Variants in SCN10A observed in about 807,000 individuals in gnomAD.
The protein encoded by SCN10A is sodium channel protein type 10 subunit alpha.
Under a neutral mutation model 170.7 loss-of-function variants are expected in SCN10A, and 162 were observed. The ratio of observed to expected loss-of-function variants is 0.95; its 90% confidence interval spans 0.84 to 1.08. The LOEUF (loss-of-function observed/expected upper bound fraction) is 1.08. Among genes scored for constraint, SCN10A ranks in the 50% least tolerant of loss-of-function variants. The pLI is 0.00. For synonymous variants in SCN10A, 985 were observed against 904.6 expected, an observed-to-expected ratio of 1.09 and a Z score of -1.59; for missense variants, 2,527 against 2,436.9, an observed-to-expected ratio of 1.04 and a Z score of -0.78.
intron 15 of SCN10A, among the ~76,000 whole-genome samples, chr3:38,736,523 G>A (rs555566484): frequency 6.6e-6 from 1 of 152,148 alleles, no homozygotes; most frequent in South Asian, 2.1e-4. Context: ...ACCAGCTGGC[G>A]GTGATTTTTC....
Position 38,713,982 on chromosome 3 carries a change from A to T in SCN10A, c.3780T>A (p.Ala1260=), listed in dbSNP as rs757672460. The T allele has an allele frequency of 7.4e-6, 12 of 1,613,738 alleles. No individual in the cohort carries two copies. The highest frequency in any genetic ancestry group is 1.0e-5 in the Non-Finnish European group (12 of 1,180,046). Residue 1260 remains alanine (A), a synonymous_variant, in exon 22 of 28, where the codon GCT becomes GCA. Coordinates refer to ENST00000449082, the MANE Select transcript of SCN10A (RefSeq NM_006514.4). ...CCCGCATGCCTTCAAATCGAGAAAG[A>T]GCCCGCAGTGGCCGCAGAGCGCGAA... ...RTLRALRPLR[A]LSRFEGMRVV... is the part of the protein sequence containing the mutation.
At chr3:38,771,643 G>C (rs912255561) in intron 4 of SCN10A, among the ~76,000 whole-genome samples, 2 of 152,230 alleles carry the variant, frequency 1.3e-5, no homozygotes, top group African/African-American at 2.4e-5. Context: ...GGCTGGGACA[G>C]CCAGCAGCTT....
chr3:38,800,332 T>C (rs73064576), intron 1 of SCN10A, among the ~76,000 whole-genome samples: 15,938 of 152,230 alleles, frequency 0.1, 933 homozygotes, highest in Non-Finnish European at 0.12. Flanking sequence ...ATTCCTGGAC[T>C]CCACCTGAAA....
At chr3:38,715,458 C>T (rs2063325301) in intron 21 of SCN10A, among the ~76,000 whole-genome samples, 1 of 152,230 alleles carries the variant, frequency 6.6e-6, no homozygotes. Context: ...GGATAAACTC[C>T]ATACTCTGTA....
At chr3:38,784,203 T>A (rs1020949399) in intron 4 of SCN10A, among the ~76,000 whole-genome samples, 1 of 152,140 alleles carries the variant, frequency 6.6e-6, no homozygotes, top group African/African-American at 2.4e-5. Context: ...GCTTCTTGTG[T>A]CATATGTAAT....
At chr3:38,721,736 G>A (rs2063391913) in intron 20 of SCN10A, among the ~76,000 whole-genome samples, 1 of 152,228 alleles carries the variant, frequency 6.6e-6, no homozygotes, top group Non-Finnish European at 1.5e-5. Flanking sequence ...GCTCCTGGGA[G>A]ATTAAATTTT....
In SCN10A at chr3:38,756,633, A is replaced by G. The variant is rs375588154; in HGVS notation, c.1290+41T>C. On this transcript the variant is annotated intron_variant, in intron 10 of 27. Coordinates refer to ENST00000449082, the MANE Select transcript of SCN10A (RefSeq NM_006514.4). ...TCCAGAACAGTATCCAAGAATGGACAGTCTGCAACCTTCTTCACAAAGCTT... is the reference window on the plus strand; with the variant it reads ...TCCAGAACAGTATCCAAGAATGGACGGTCTGCAACCTTCTTCACAAAGCTT... 1.2e-5 allele frequency: 18 copies of G among 1,524,716 alleles called. 1 individual carries two copies. In the South Asian group the frequency reaches 1.8e-4, roughly 15 times the overall value. The allele number at this position is 1,524,716 out of a possible 1,614,324, so 94.4% of individuals were successfully genotyped here.
At chr3:38,705,703 T>A (rs1392800239) in intron 26 of SCN10A, among the ~76,000 whole-genome samples, 1 of 152,096 alleles carries the variant, frequency 6.6e-6, no homozygotes, top group African/African-American at 2.4e-5. Flanking sequence ...AAAGAGAGAT[T>A]GAGTAGTATG....
Position 38,697,108 on chromosome 3 carries a change from A to T in SCN10A, c.*241T>A, listed in dbSNP as rs1387250418. 1.8e-6 allele frequency: 1 copy of T among 561,012 alleles called. No homozygotes were observed. Among genetic ancestry groups the T allele is most frequent in the Non-Finnish European group, 3.1e-6 (1 of 319,712 alleles). 34.8% of individuals were successfully genotyped at this position (561,012 alleles called of 1,614,324 possible). A position where few individuals can be genotyped will look rare whatever the true frequency, so the allele number is the denominator to read the frequency against. ...TTTCTGGAGAGTAAGAGAACCCATG[A>T]TCTGATATTGAAATTCAGAAGGGAA... On this transcript the variant is annotated 3_prime_UTR_variant, in exon 28 of 28. Transcript: ENST00000449082.
At chr3:38,734,884 A>C (rs2063544440) in intron 15 of SCN10A, among the ~76,000 whole-genome samples, 5 of 152,224 alleles carry the variant, frequency 3.3e-5, no homozygotes. Context: ...AAAAGAAGAA[A>C]TTAGGCTGGG....
rs1361483873 is a variant in SCN10A, at chr3:38,729,236, G to T, written c.2281-335C>A. Reference sequence around the variant, plus strand: ...AATATGGGCCTCTTCTGTGGAGGTGGGGTGGGTGTGATGGGGCTCACAAAT... The same window carrying T: ...AATATGGGCCTCTTCTGTGGAGGTGTGGTGGGTGTGATGGGGCTCACAAAT... On this transcript the variant is annotated intron_variant, in intron 15 of 27. Transcript: ENST00000449082. 2.6e-5 allele frequency among the ~76,000 whole-genome samples: 4 copies of T among 152,114 alleles called. 1 individual carries two copies. Among genetic ancestry groups the T allele is most frequent in the Admixed American group, 1.3e-4 (2 of 15,276 alleles).
chr3:38,763,854 T>C lies in SCN10A; in HGVS notation c.600-258A>G, dbSNP rs1018587547. 3.3e-5 allele frequency among the ~76,000 whole-genome samples: 5 copies of C among 152,180 alleles called. No homozygotes were observed. The East Asian group carries it at 9.6e-4, about 29-fold the overall frequency. On this transcript the variant is annotated intron_variant, in intron 5 of 27. Transcript: ENST00000449082. ...TGGACGGATCTTCAAACACAGGAGT[T>C]TGACCAACCAGTCTCCTCAGACACT...
chr3:38,739,378 C>A (rs986284790), intron 15 of SCN10A, 137 bp downstream of exon 15: 1 of 691,084 alleles, frequency 1.4e-6, no homozygotes. Flanking sequence ...AGTCTCCAGT[C>A]GCCCAGGAGT....
At chr3:38,719,040 A>G (rs988147490) in intron 20 of SCN10A, among the ~76,000 whole-genome samples, 9 of 152,226 alleles carry the variant, frequency 5.9e-5, no homozygotes, top group African/African-American at 2.2e-4. Flanking sequence ...TTCAGGGCCA[A>G]TGGGGACAAA....
chr3:38,771,470 C>T, intron 4 of SCN10A, 63 bp from the exon 5 acceptor site: 1 of 1,570,518 alleles, frequency 6.4e-7, no homozygotes, highest in South Asian at 1.1e-5. Flanking sequence ...GGGGTTCCTT[C>T]TTCCAGGAGG....
intron 15 of SCN10A, among the ~76,000 whole-genome samples, chr3:38,735,012 TA>T (rs1257164529): frequency 6.6e-6 from 1 of 151,664 alleles, no homozygotes; most frequent in African/African-American, 2.4e-5. Flanking sequence ...CTACTAAAAA[TA>T]CAAAGAATTA....
At chr3:38,776,988 A>C (rs981054430) in intron 4 of SCN10A, among the ~76,000 whole-genome samples, 4 of 152,220 alleles carry the variant, frequency 2.6e-5, no homozygotes, top group South Asian at 2.1e-4. Context: ...ACACCCATTC[A>C]TGATGAAAGT....
At chr3:38,761,678 T>C (rs1040609339) in intron 6 of SCN10A, among the ~76,000 whole-genome samples, 4 of 152,186 alleles carry the variant, frequency 2.6e-5, no homozygotes, top group African/African-American at 9.7e-5. Flanking sequence ...AAATAATTTA[T>C]GCTGAGTACC....
At chr3:38,726,562 C>A (rs770135265) in intron 17 of SCN10A, 44 bp downstream of exon 17, 14 of 1,475,322 alleles carry the variant, frequency 9.5e-6, no homozygotes, top group Admixed American at 6.1e-5. Flanking sequence ...AGCCCTGAAG[C>A]CCCTCCCCAC....
Sources: gnomAD v4.1 joint callset for allele counts (sites outside exome capture counted in the v4.1 genomes callset) on GRCh38, gnomAD v4.1.1 for gene constraint, MANE v1.5 for transcripts, NCBI Gene and HGNC (gene_info 2026-07-23, HGNC 2026-07-21) for gene names.